The following TACR1 variants were observed in gnomAD, a reference collection of about 807,000 sequenced individuals.
The protein encoded by TACR1 is tachykinin receptor 1.
In TACR1, 25 loss-of-function variants were observed where a neutral mutation model predicts 35.8. The ratio of observed to expected loss-of-function variants is 0.70; its 90% CI spans 0.51 to 0.98. TACR1 has a LOEUF of 0.98. Ranked by LOEUF, TACR1 falls within the 50% of genes least tolerant of loss-of-function variation. The probability of loss-of-function intolerance (pLI) is 0.00; values close to 1 mark genes in which losing one functional copy is unlikely to be tolerated. For missense variants in TACR1, 478 were observed against 522.9 expected, an observed-to-expected ratio of 0.91 and a Z score of 0.84; for synonymous variants, 195 against 206.7, an observed-to-expected ratio of 0.94 and a Z score of 0.48.
chr2:75,152,639 T>G (rs1238762859), intron 1 of TACR1, among the ~76,000 whole-genome samples: 2 of 152,220 alleles, frequency 1.3e-5, no homozygotes, highest in South Asian at 2.1e-4. Flanking sequence ...GTCTGATTCC[T>G]TCTAAATCTG....
intron 2 of TACR1, among the ~76,000 whole-genome samples, chr2:75,081,570 A>G (rs904848182): frequency 6.6e-6 from 1 of 152,158 alleles, no homozygotes; most frequent in East Asian, 1.9e-4. Flanking sequence ...TGTCACATGT[A>G]TAAGACCCCT....
intron 2 of TACR1, among the ~76,000 whole-genome samples, chr2:75,079,735 C>T (rs1262716243): frequency 7.2e-6 from 1 of 138,696 alleles, no homozygotes; most frequent in Non-Finnish European, 1.5e-5. Flanking sequence ...AAACCTAATG[C>T]CTTTTTTTTT....
intron 2 of TACR1, chr2:75,118,849 C>A (rs1188612810): frequency 1.3e-5 from 2 of 151,988 alleles, no homozygotes; most frequent in Non-Finnish European, 2.9e-5. Flanking sequence ...TTTGAGGAAA[C>A]CTTCTGGCTT....
chr2:75,175,791 C>G (rs1675398523), intron 1 of TACR1, among the ~76,000 whole-genome samples: 1 of 152,120 alleles, frequency 6.6e-6, no homozygotes, highest in African/African-American at 2.4e-5. Flanking sequence ...CATAGTCACA[C>G]ATTCTAGGGA....
chr2:75,082,603 T>C (rs1016550691), intron 2 of TACR1, among the ~76,000 whole-genome samples: 1 of 152,240 alleles, frequency 6.6e-6, no homozygotes, highest in Admixed American at 6.5e-5. Flanking sequence ...CCTGACTTTT[T>C]AATGATTGCC....
At chr2:75,149,774 A>G (rs1674632744) in intron 1 of TACR1, among the ~76,000 whole-genome samples, 1 of 152,022 alleles carries the variant, frequency 6.6e-6, no homozygotes, top group South Asian at 2.1e-4. Flanking sequence ...TTTCAATACT[A>G]TGTTGAATAG....
rs531684444 is a variant in TACR1 at position 75,198,418 on chromosome 2, A to G, written c.389+128T>C. The G allele has an allele frequency of 8.8e-5, 93 of 1,061,518 alleles. 1 individual carries two copies. The South Asian group carries it at 1.2e-3, about 14-fold the overall frequency. The allele number at this position is 1,061,518 out of a possible 1,614,324, so 65.8% of individuals were successfully genotyped here. A position where few individuals can be genotyped will look rare whatever the true frequency, so the allele number is the denominator to read the frequency against. On this transcript the variant is annotated intron_variant, in intron 1 of 4. Transcript: ENST00000305249. ...TCCCCATCAACAAATGACTCAGTTG[A>G]TCAGTAAAAAAACCCTCAGAGTGGC... is the stretch of plus-strand genomic sequence containing the variant.
At chr2:75,158,848 T>C (rs72809312) in intron 1 of TACR1, among the ~76,000 whole-genome samples, 6,189 of 152,248 alleles carry the variant, frequency 0.041, 190 homozygotes, top group East Asian at 0.085. Context: ...AACGGTCCCA[T>C]GTCCCAGGCC....
At chr2:75,081,755 AT>A (rs1178443533) in intron 2 of TACR1, among the ~76,000 whole-genome samples, 1 of 152,002 alleles carries the variant, frequency 6.6e-6, no homozygotes, top group African/African-American at 2.4e-5. Context: ...AGGGATAGAG[AT>A]TTTAATTCAT....
At chr2:75,122,052 A>G (rs2241226) in intron 1 of TACR1, among the ~76,000 whole-genome samples, 105,588 of 152,146 alleles carry the variant, frequency 0.69, 37,654 homozygotes, top group African/African-American at 0.86. Context: ...CCTGCCGCAC[A>G]TAGAGCACAG....
chr2:75,133,020 T>G (rs2103932846), intron 1 of TACR1, among the ~76,000 whole-genome samples: 1 of 152,312 alleles, frequency 6.6e-6, no homozygotes, highest in Non-Finnish European at 1.5e-5. Context: ...GTTTCCAACT[T>G]TAAGGGAAGG....
chr2:75,133,906 A>G lies in TACR1; in HGVS notation c.390-13138T>C, dbSNP rs12105651. Among the ~76,000 whole-genome samples the G allele has an allele frequency of 8.9e-3, 1,349 of 152,286 alleles. 22 individuals carry two copies. Among genetic ancestry groups the G allele is most frequent in the African/African-American group, 0.031 (1,287 of 41,554 alleles). ...AGACCTTGCTGATAAAACAGTTTGCAGTAAAGAAGCTGGCCAAACCCCACC... is the reference window on the plus strand; with the variant it reads ...AGACCTTGCTGATAAAACAGTTTGCGGTAAAGAAGCTGGCCAAACCCCACC... On this transcript the variant is annotated intron_variant, in intron 1 of 4. Transcript: ENST00000305249.
At chr2:75,137,297 C>CAA (rs947064677) in intron 1 of TACR1, among the ~76,000 whole-genome samples, 2 of 152,144 alleles carry the variant, frequency 1.3e-5, no homozygotes, top group Admixed American at 6.5e-5. Flanking sequence ...TTCACTTCTA[C>CAA]AAGTTATTTA....
chr2:75,145,161 C>T (rs767164127), intron 1 of TACR1, among the ~76,000 whole-genome samples: 1 of 151,992 alleles, frequency 6.6e-6, no homozygotes, highest in Admixed American at 6.5e-5. Flanking sequence ...ATAATCATTT[C>T]TTTGGATGAC....
chr2:75,185,383 A>G (rs13008773), intron 1 of TACR1, among the ~76,000 whole-genome samples: 28,212 of 152,004 alleles, frequency 0.19, 3,222 homozygotes, highest in Admixed American at 0.26. Flanking sequence ...AGATATAACA[A>G]CATAAAATAA....
chr2:75,109,195 C>T (rs1428945359), intron 2 of TACR1, among the ~76,000 whole-genome samples: 1 of 152,104 alleles, frequency 6.6e-6, no homozygotes, highest in Non-Finnish European at 1.5e-5. Context: ...CAATCGGCAT[C>T]GCGGTAAGAA....
At chr2:75,093,016 T>A (rs900167799) in intron 2 of TACR1, among the ~76,000 whole-genome samples, 2 of 152,192 alleles carry the variant, frequency 1.3e-5, no homozygotes, top group Non-Finnish European at 2.9e-5. Flanking sequence ...ATTTACAATG[T>A]CTTTGTGAGT....
At chr2:75,165,874 G>A (rs909768255) in intron 1 of TACR1, among the ~76,000 whole-genome samples, 1 of 152,056 alleles carries the variant, frequency 6.6e-6, no homozygotes, top group Non-Finnish European at 1.5e-5. Flanking sequence ...CTGTCCCTCC[G>A]TTGTATAGCA....
At chr2:75,108,744 A>G (rs1243929205) in intron 2 of TACR1, among the ~76,000 whole-genome samples, 2 of 152,212 alleles carry the variant, frequency 1.3e-5, no homozygotes, top group African/African-American at 4.8e-5. Flanking sequence ...CAGCTTAATC[A>G]TTATTAGAAT....
Sources: allele counts gnomAD v4.1 joint callset (sites outside exome capture counted in the v4.1 genomes callset), GRCh38; gene constraint gnomAD v4.1.1; transcripts MANE v1.5; gene names NCBI Gene and HGNC (gene_info 2026-07-23, HGNC 2026-07-21).